Variants in KIF13B observed in about 807,000 individuals in gnomAD.
The protein encoded by KIF13B is kinesin-like protein KIF13B.
KIF13B carries 127 observed loss-of-function variants against 222.0 expected under a neutral mutation model. That is an observed-to-expected ratio of 0.57 (90% CI 0.50 to 0.66). KIF13B has a LOEUF of 0.66. Among genes scored for constraint, KIF13B ranks in the 30% least tolerant of loss-of-function variants. KIF13B has a pLI of 0.00. For synonymous variants in KIF13B, 976 were observed against 919.0 expected (o/e 1.06, Z -1.12); for missense variants, 2,173 against 2,379.0 (o/e 0.91, Z 1.80).
At chr8:29,262,954 G>T (rs1017488332) in intron 1 of KIF13B, 26 bp downstream of exon 1, 1 of 1,550,682 alleles carries the variant, frequency 6.4e-7, no homozygotes, top group Non-Finnish European at 8.7e-7. Flanking sequence ...CTCCGCCCCG[G>T]CGGCCCAGGA....
intron 36 of KIF13B, among the ~76,000 whole-genome samples, chr8:29,097,998 C>T (rs552139557): frequency 7.9e-5 from 12 of 151,196 alleles, no homozygotes; most frequent in East Asian, 3.9e-4. Context: ...GGTGAAACTC[C>T]GTCTCTACTA....
chr8:29,195,731 C>T (rs1476101612), intron 3 of KIF13B, among the ~76,000 whole-genome samples: 1 of 152,170 alleles, frequency 6.6e-6, no homozygotes, highest in African/African-American at 2.4e-5. Context: ...CAGGAATGCA[C>T]CCCCAGCTGT....
At chr8:29,101,603 A>G (rs1015396270) in intron 35 of KIF13B, among the ~76,000 whole-genome samples, 4 of 152,194 alleles carry the variant, frequency 2.6e-5, no homozygotes, top group African/African-American at 4.8e-5. Context: ...ACTGAAAGTG[A>G]GAACACTGAA....
intron 37 of KIF13B, among the ~76,000 whole-genome samples, chr8:29,089,083 T>C (rs1808173620): frequency 6.6e-6 from 1 of 152,188 alleles, no homozygotes; most frequent in African/African-American, 2.4e-5. Context: ...CCATGCTTCT[T>C]TCACCTCTAA....
chr8:29,074,933 A>G (rs1357688237), intron 38 of KIF13B, among the ~76,000 whole-genome samples: 3 of 152,262 alleles, frequency 2.0e-5, no homozygotes, highest in Non-Finnish European at 4.4e-5. Context: ...TTTCACGCTG[A>G]TATCATGAAT....
At chr8:29,083,650 A>C (rs1206940399) in intron 37 of KIF13B, among the ~76,000 whole-genome samples, 1 of 152,204 alleles carries the variant, frequency 6.6e-6, no homozygotes, top group African/African-American at 2.4e-5. Flanking sequence ...GTGATTCTGG[A>C]AAACTAAAAG....
chr8:29,151,529 G>A (rs1419472060), intron 14 of KIF13B, among the ~76,000 whole-genome samples: 1 of 152,202 alleles, frequency 6.6e-6, no homozygotes, highest in Non-Finnish European at 1.5e-5. Context: ...CTTTTAAGTT[G>A]ATGCCAATGC....
chr8:29,087,386 T>C (rs527990464), intron 37 of KIF13B, among the ~76,000 whole-genome samples: 8 of 152,352 alleles, frequency 5.3e-5, no homozygotes, highest in Non-Finnish European at 8.8e-5. Flanking sequence ...ATGTATGCAT[T>C]ATTTAAAAAA....
intron 29 of KIF13B, among the ~76,000 whole-genome samples, chr8:29,120,471 T>C (rs1189256454): frequency 2.2e-4 from 5 of 22,234 alleles, no homozygotes; most frequent in African/African-American, 9.8e-4. Context: ...AGAATGATGG[T>C]TTCCAATTTC....
intron 2 of KIF13B, among the ~76,000 whole-genome samples, chr8:29,229,413 T>C (rs975425889): frequency 6.6e-6 from 1 of 152,246 alleles, no homozygotes; most frequent in African/African-American, 2.4e-5. Context: ...ATTTCCCTTC[T>C]GAAAATGTTG....
chr8:29,128,858 G>A (rs769779020), intron 24 of KIF13B, among the ~76,000 whole-genome samples: 14 of 152,112 alleles, frequency 9.2e-5, no homozygotes, highest in Admixed American at 6.6e-4. Flanking sequence ...CCTCTGCCAC[G>A]TTCCCGTTCA....
intron 1 of KIF13B, among the ~76,000 whole-genome samples, chr8:29,262,680 G>A (rs528255774): frequency 6.6e-6 from 1 of 151,350 alleles, no homozygotes; most frequent in African/African-American, 2.4e-5. Context: ...GGGAACCTCC[G>A]GGGGAGACGA....
chr8:29,213,512 T>C (rs978451046), intron 2 of KIF13B, among the ~76,000 whole-genome samples: 1 of 152,188 alleles, frequency 6.6e-6, no homozygotes, highest in Non-Finnish European at 1.5e-5. Flanking sequence ...GCAAGCACCA[T>C]AGAATGTATT....
At chr8:29,160,903 C>T (rs371381955) in intron 12 of KIF13B, 36 bp from the exon 13 acceptor site, 7 of 1,592,266 alleles carry the variant, frequency 4.4e-6, no homozygotes, top group Non-Finnish European at 6.0e-6. Context: ...AATTTCACAG[C>T]TATTGAGGCA....
At chr8:29,174,152 T>C (rs1812380614) in intron 10 of KIF13B, among the ~76,000 whole-genome samples, 1 of 152,212 alleles carries the variant, frequency 6.6e-6, no homozygotes, top group South Asian at 2.1e-4. Flanking sequence ...AATTTTTTTA[T>C]ATACAATACA....
At chr8:29,226,700 T>G (rs1054954492) in intron 2 of KIF13B, among the ~76,000 whole-genome samples, 5 of 152,248 alleles carry the variant, frequency 3.3e-5, no homozygotes, top group African/African-American at 1.2e-4. Flanking sequence ...TACACCCGCG[T>G]GGTCTCTGAC....
chr8:29,262,899 A>T (rs1587004317), intron 1 of KIF13B, 81 bp downstream of exon 1: 3 of 1,080,604 alleles, frequency 2.8e-6, no homozygotes, highest in East Asian at 3.3e-5. Flanking sequence ...GGGCCGCCGG[A>T]CCCCCCACGG....
intron 12 of KIF13B, among the ~76,000 whole-genome samples, chr8:29,161,621 G>A (rs576232658): frequency 1.3e-5 from 2 of 152,126 alleles, no homozygotes; most frequent in South Asian, 4.2e-4. Context: ...ACTTGAACCC[G>A]GGAGGTGGAG....
At chr8:29,257,951 G>A (rs2117179816) in intron 1 of KIF13B, among the ~76,000 whole-genome samples, 1 of 152,340 alleles carries the variant, frequency 6.6e-6, no homozygotes, top group East Asian at 1.9e-4. Context: ...CAGTCACTGA[G>A]TTGACAGTAG....
Sources: gnomAD v4.1 joint callset for allele counts (sites outside exome capture counted in the v4.1 genomes callset) on GRCh38, gnomAD v4.1.1 for gene constraint, MANE v1.5 for transcripts, NCBI Gene and HGNC (gene_info 2026-07-23, HGNC 2026-07-21) for gene names.